Variants in DLG2 observed in about 807,000 individuals in gnomAD.
DLG2 encodes discs large MAGUK scaffold protein 2, also known as disks large homolog 2.
Under a neutral mutation model 132.5 loss-of-function variants are expected in DLG2, and 45 were observed. The ratio of observed to expected loss-of-function variants is 0.34; its 90% CI spans 0.27 to 0.44. DLG2 has a LOEUF of 0.44. DLG2 is among the 20% of genes least tolerant of loss of function. DLG2 has a pLI of 1.00. For missense variants in DLG2, 1,045 were observed against 1,196.9 expected, an observed-to-expected ratio of 0.87 and a Z score of 1.87; for synonymous variants, 424 against 419.6, an observed-to-expected ratio of 1.01 and a Z score of -0.13.
intron 3 of DLG2, among the ~76,000 whole-genome samples, chr11:85,456,985 G>A (rs1597478568): frequency 6.6e-6 from 1 of 152,264 alleles, no homozygotes; most frequent in Middle Eastern, 3.4e-3. Context: ...CTGAATATCT[G>A]TTAATTGTTT....
intron 4 of DLG2, among the ~76,000 whole-genome samples, chr11:85,187,209 A>G (rs1281078247): frequency 6.6e-6 from 1 of 152,128 alleles, no homozygotes; most frequent in Admixed American, 6.6e-5. Context: ...AATTGCTAAG[A>G]CTTTACATAA....
chr11:85,157,954 G>C (rs114074327), intron 4 of DLG2, among the ~76,000 whole-genome samples: 78 of 151,922 alleles, frequency 5.1e-4, no homozygotes, highest in South Asian at 3.1e-3. Context: ...GATAAACCCC[G>C]CACTGCCTGA....
intron 17 of DLG2, among the ~76,000 whole-genome samples, chr11:83,808,968 G>T (rs948493303): frequency 1.3e-5 from 2 of 151,898 alleles, no homozygotes; most frequent in Non-Finnish European, 2.9e-5. Context: ...CTGCGGCTGG[G>T]CTGTGTCTAT....
intron 6 of DLG2, among the ~76,000 whole-genome samples, chr11:84,834,302 C>T (rs910405703): frequency 1.3e-5 from 2 of 151,618 alleles, no homozygotes; most frequent in African/African-American, 4.8e-5. Flanking sequence ...CAATACCTCA[C>T]TTCTCAATCT....
chr11:84,189,469 T>C (rs2096358134), intron 8 of DLG2, among the ~76,000 whole-genome samples: 5 of 152,210 alleles, frequency 3.3e-5, no homozygotes. Context: ...ATCCAATTAC[T>C]GGGTATATAC....
intron 7 of DLG2, among the ~76,000 whole-genome samples, chr11:84,339,698 G>A (rs975945649): frequency 6.6e-6 from 1 of 152,112 alleles, no homozygotes; most frequent in Non-Finnish European, 1.5e-5. Context: ...CTGAATTCTG[G>A]AACCTGGAAT....
At chr11:83,710,792 G>T (rs367765815) in intron 18 of DLG2, among the ~76,000 whole-genome samples, 3 of 152,086 alleles carry the variant, frequency 2.0e-5, no homozygotes, top group Non-Finnish European at 4.4e-5. Flanking sequence ...GTAGCGAGAA[G>T]AAGCTGAGGG....
chr11:84,440,125 G>T (rs1032983451), intron 7 of DLG2, among the ~76,000 whole-genome samples: 6 of 152,110 alleles, frequency 3.9e-5, no homozygotes, highest in African/African-American at 1.4e-4. Flanking sequence ...TTACACACCT[G>T]ACCAAGAGGC....
intron 14 of DLG2, among the ~76,000 whole-genome samples, chr11:83,946,528 C>A (rs1037474331): frequency 6.6e-6 from 1 of 152,158 alleles, no homozygotes; most frequent in African/African-American, 2.4e-5. Flanking sequence ...TACAATTAGA[C>A]CCGCTCTTTT....
chr11:84,114,272 T>C (rs1372347774), intron 9 of DLG2, among the ~76,000 whole-genome samples: 1 of 152,082 alleles, frequency 6.6e-6, no homozygotes, highest in Non-Finnish European at 1.5e-5. Context: ...GACCAAAATG[T>C]TTTAGAACTG....
intron 6 of DLG2, among the ~76,000 whole-genome samples, chr11:85,023,030 T>G (rs2060216242): frequency 1.3e-5 from 2 of 151,948 alleles, no homozygotes; most frequent in Admixed American, 1.3e-4. Flanking sequence ...TACATAGGCA[T>G]CAAATTTAAA....
chr11:84,070,503 A>G (rs1440568905), intron 10 of DLG2, among the ~76,000 whole-genome samples: 1 of 152,252 alleles, frequency 6.6e-6, no homozygotes, highest in African/African-American at 2.4e-5. Context: ...ACATTAAGAA[A>G]TACATTTAAC....
chr11:84,490,886 C>CTTGTGT (rs1555622910), intron 7 of DLG2, among the ~76,000 whole-genome samples: 1 of 147,846 alleles, frequency 6.8e-6, no homozygotes, highest in Admixed American at 6.8e-5. Context: ...TGAATGGTTG[C>CTTGTGT]GTGTGTGTGT....
At chr11:84,164,771 T>A (rs1463337400) in intron 8 of DLG2, among the ~76,000 whole-genome samples, 1 of 152,272 alleles carries the variant, frequency 6.6e-6, no homozygotes. Flanking sequence ...TGGACTTTAC[T>A]TAGGTGTGTC....
chr11:83,963,915 C>T (rs2089559536), intron 13 of DLG2, among the ~76,000 whole-genome samples: 1 of 151,890 alleles, frequency 6.6e-6, no homozygotes, highest in South Asian at 2.1e-4. Context: ...TTCTGATGTT[C>T]CAAAGACAGA....
At chr11:85,502,948 T>C (rs967468207) in intron 3 of DLG2, among the ~76,000 whole-genome samples, 13 of 152,054 alleles carry the variant, frequency 8.5e-5, no homozygotes, top group African/African-American at 2.4e-4. Context: ...CTACAATGGA[T>C]ACATTACAGC....
At chr11:85,154,946 C>T (rs2077494976) in intron 4 of DLG2, among the ~76,000 whole-genome samples, 1 of 152,102 alleles carries the variant, frequency 6.6e-6, no homozygotes, top group East Asian at 1.9e-4. Flanking sequence ...TAAAGCTGAG[C>T]ATGGTTAATG....
intron 5 of DLG2, among the ~76,000 whole-genome samples, chr11:85,133,760 C>G (rs2075923666): frequency 6.6e-6 from 1 of 152,106 alleles, no homozygotes; most frequent in African/African-American, 2.4e-5. Context: ...TGTCTGCAGG[C>G]ACTTATTAAG....
At chr11:83,876,671 C>A (rs1299064195) in intron 15 of DLG2, among the ~76,000 whole-genome samples, 1 of 151,994 alleles carries the variant, frequency 6.6e-6, no homozygotes, top group Non-Finnish European at 1.5e-5. Flanking sequence ...AAATGATTTT[C>A]AGAAATCAAC....
Sources: allele counts gnomAD v4.1 joint callset (sites outside exome capture counted in the v4.1 genomes callset), GRCh38; gene constraint gnomAD v4.1.1; transcripts MANE v1.5; gene names NCBI Gene and HGNC (gene_info 2026-07-23, HGNC 2026-07-21).